The following XPNPEP1 variants were observed in gnomAD, a reference collection of about 807,000 sequenced individuals.
The protein encoded by XPNPEP1 is X-prolyl aminopeptidase 1, also known as xaa-Pro aminopeptidase 1.
Under a neutral mutation model 92.4 loss-of-function variants are expected in XPNPEP1, and 39 were observed. The observed-to-expected ratio is 0.42, with a 90% CI of 0.33 to 0.55. The LOEUF (loss-of-function observed/expected upper bound fraction) is 0.55, where lower values mean the gene tolerates loss of function less well. Among genes scored for constraint, XPNPEP1 ranks in the 20% least tolerant of loss-of-function variants. The pLI is 0.08. For synonymous variants in XPNPEP1, 307 were observed against 299.4 expected, an observed-to-expected ratio of 1.03 and a Z score of -0.26; for missense variants, 654 against 856.1, an observed-to-expected ratio of 0.76 and a Z score of 2.95.
chr10:109,885,479 G>A (rs1564762781), intron 8 of XPNPEP1, among the ~76,000 whole-genome samples: 1 of 152,106 alleles, frequency 6.6e-6, no homozygotes, highest in African/African-American at 2.4e-5. Flanking sequence ...AAGTTTTACA[G>A]GTGTTTTTCT....
intron 1 of XPNPEP1, chr10:109,923,147 G>A (rs1201459241): frequency 1.0e-6 from 1 of 983,494 alleles, no homozygotes; most frequent in East Asian, 1.1e-4. Context: ...AGTTCCGCGG[G>A]CATACGCGTC....
intron 4 of XPNPEP1, chr10:109,892,734 A>G: frequency 2.5e-6 from 1 of 395,614 alleles, no homozygotes; most frequent in South Asian, 3.5e-5. Context: ...GAACTTTTAT[A>G]TGTATGTTAT....
At chr10:109,906,230 TA>T (rs1330501421) in intron 3 of XPNPEP1, among the ~76,000 whole-genome samples, 1 of 151,826 alleles carries the variant, frequency 6.6e-6, no homozygotes. Flanking sequence ...ACACACAGAG[TA>T]ACCAGGACCA....
In XPNPEP1 at chr10:109,865,064, G is replaced by T; in HGVS notation, c.*120C>A. 1 of 1,398,542 alleles carries T rather than the reference G, an allele frequency of 7.2e-7. No individual in the cohort carries two copies. The highest frequency in any genetic ancestry group is 9.8e-7 in the Non-Finnish European group (1 of 1,019,526). The allele number at this position is 1,398,542 out of a possible 1,614,324, so 86.6% of individuals were successfully genotyped here. A position where few individuals can be genotyped will look rare whatever the true frequency, so the allele number is the denominator to read the frequency against. ...AAGAAGATTTTCTGTTCTTCTTAAA[G>T]TCTAAAGTAAAAAGGGGAGGTAGGG... On this transcript the variant is annotated 3_prime_UTR_variant, in exon 21 of 21. Transcript: ENST00000502935.
At chr10:109,866,933 T>C (rs1016164836) in intron 20 of XPNPEP1, among the ~76,000 whole-genome samples, 2 of 152,192 alleles carry the variant, frequency 1.3e-5, no homozygotes, top group Non-Finnish European at 2.9e-5. Flanking sequence ...AGTAGACTGA[T>C]TCTCCTTCGA....
chr10:109,885,724 T>C (rs1452178596), intron 8 of XPNPEP1, among the ~76,000 whole-genome samples: 1 of 152,164 alleles, frequency 6.6e-6, no homozygotes, highest in Non-Finnish European at 1.5e-5. Context: ...AGGTTTTAGA[T>C]GAAAGAAGGT....
At position 109,867,585 on chromosome 10, in the gene XPNPEP1, T is replaced by C. The variant is rs1178257097; in HGVS notation, c.1872+1029A>G. On this transcript the variant is annotated intron_variant, in intron 20 of 20. Transcript: ENST00000502935. The surrounding 1 kb of genome is among the most constrained non-coding windows in gnomAD (Gnocchi z 4.5). Reference sequence around the variant, plus strand: ...AGCTGGGAGAATCCCATTCCACAGCTCCTGTGGAAGGGAAGGTCCTTAACC... The same window carrying C: ...AGCTGGGAGAATCCCATTCCACAGCCCCTGTGGAAGGGAAGGTCCTTAACC... Among the ~76,000 whole-genome samples the C allele has an allele frequency of 6.6e-6, 1 of 152,190 alleles. No individual in the cohort carries two copies. The highest frequency in any genetic ancestry group is 1.5e-5 in the Non-Finnish European group (1 of 68,032).
chr10:109,865,318 G>A lies in XPNPEP1; in HGVS notation c.1873-6C>T. 1 of 1,614,114 alleles carries A rather than the reference G, an allele frequency of 6.2e-7. No individual in the cohort carries two copies. Among genetic ancestry groups the A allele is most frequent in the Non-Finnish European group, 8.5e-7 (1 of 1,180,024 alleles). On this transcript the variant is annotated splice_region_variant and splice_polypyrimidine_tract_variant and intron_variant, in intron 20 of 20. Transcript: ENST00000502935. ...TAATTGTTGAGCCAGTCGCACTGCA[G>A]GGAAGAGAAGGACAGACACGGTATT...
intron 3 of XPNPEP1, among the ~76,000 whole-genome samples, chr10:109,899,308 T>G (rs1403987480): frequency 6.6e-6 from 1 of 151,950 alleles, no homozygotes; most frequent in Non-Finnish European, 1.5e-5. Context: ...GGGTGAGAGG[T>G]GATACCTGGG....
chr10:109,888,292 T>C (rs1283161620), intron 6 of XPNPEP1, 100 bp from the exon 7 acceptor site: 1 of 1,487,430 alleles, frequency 6.7e-7, no homozygotes, highest in Non-Finnish European at 9.0e-7. Context: ...AAGGTGGTCC[T>C]GCCATGGCCC....
intron 3 of XPNPEP1, 173 bp from the exon 4 acceptor site, chr10:109,893,248 G>A: frequency 1.8e-6 from 1 of 557,312 alleles, no homozygotes. Flanking sequence ...ACACACTGCA[G>A]AAGATTGAAT....
intron 8 of XPNPEP1, 157 bp from the exon 9 acceptor site, chr10:109,884,305 C>T (rs1311242292): frequency 3.0e-6 from 2 of 660,786 alleles, no homozygotes; most frequent in Non-Finnish European, 5.1e-6. Flanking sequence ...CCGTCTGGTT[C>T]CACCTCTGAG....
chr10:109,898,348 A>G (rs567393912), intron 3 of XPNPEP1, among the ~76,000 whole-genome samples: 22 of 152,384 alleles, frequency 1.4e-4, no homozygotes, highest in African/African-American at 5.3e-4. Context: ...TATAGCAAAC[A>G]TAAGAAACTA....
At chr10:109,897,783 A>G (rs1849064573) in intron 3 of XPNPEP1, among the ~76,000 whole-genome samples, 1 of 151,774 alleles carries the variant, frequency 6.6e-6, no homozygotes, top group Admixed American at 6.6e-5. Flanking sequence ...TCTCCCAAGT[A>G]GCTGGGATTA....
At chr10:109,869,805 T>C (rs1847348326) in intron 19 of XPNPEP1, 148 bp downstream of exon 19, 1 of 731,228 alleles carries the variant, frequency 1.4e-6, no homozygotes. Context: ...TACTCTTGGC[T>C]CCAAAGACAT....
chr10:109,892,990 CAG>C lies in XPNPEP1; in HGVS notation c.310+20_310+21del. The C allele has an allele frequency of 6.2e-7, 1 of 1,612,130 alleles. No individual in the cohort carries two copies. The highest frequency in any genetic ancestry group is 8.5e-7 in the Non-Finnish European group (1 of 1,178,928). ...GAGGCGAACAAAGGTGCAGCAAGAA[CAG>C]AGAAAAAGTAGTGACTCACCCGCAG... On this transcript the variant is annotated intron_variant, in intron 4 of 20. Transcript: ENST00000502935.
At chr10:109,871,009 A>G in intron 17 of XPNPEP1, 105 bp from the exon 18 acceptor site, 1 of 1,337,784 alleles carries the variant, frequency 7.5e-7, no homozygotes, top group East Asian at 2.4e-5. Flanking sequence ...TAGGTAAGTT[A>G]CTGGAGGGTT....
At chr10:109,914,038 C>T (rs565259786) in intron 2 of XPNPEP1, among the ~76,000 whole-genome samples, 56 of 151,458 alleles carry the variant, frequency 3.7e-4, no homozygotes, top group African/African-American at 1.2e-3. Context: ...AGAGATTAGA[C>T]GGGCATGGTT....
rs539386044 is a variant in XPNPEP1, at chr10:109,921,692, T to C, written c.32+1710A>G. Among the ~76,000 whole-genome samples, 158 of 152,338 alleles carry C rather than the reference T, an allele frequency of 1.0e-3. 1 individual carries two copies. The highest frequency in any genetic ancestry group is 3.7e-3 in the African/African-American group (153 of 41,566). ...ACCCAGAATCCATCCCTCCTTTTGA[T>C]GGGAACCTTGGTTTTCCTTTTGAGA... On this transcript the variant is annotated intron_variant, in intron 1 of 20. Coordinates refer to ENST00000502935, the MANE Select transcript of XPNPEP1 (RefSeq NM_020383.4).
Sources: allele counts gnomAD v4.1 joint callset (sites outside exome capture counted in the v4.1 genomes callset), GRCh38; gene constraint gnomAD v4.1.1; non-coding constraint Gnocchi (gnomAD v3.1); transcripts MANE v1.5; gene names NCBI Gene and HGNC (gene_info 2026-07-23, HGNC 2026-07-21).